The following BBS9 variants were observed in gnomAD, a reference collection of about 807,000 sequenced individuals.
BBS9 encodes the protein protein PTHB1.
In BBS9, 89 loss-of-function variants were observed where a neutral mutation model predicts 117.7. The observed-to-expected ratio is 0.76, with a 90% CI of 0.64 to 0.90. BBS9 has a LOEUF of 0.90. Among genes scored for constraint, BBS9 ranks in the 40% least tolerant of loss-of-function variants. The probability of loss-of-function intolerance (pLI) is 0.00; values close to 1 mark genes in which losing one functional copy is unlikely to be tolerated. For missense variants in BBS9, 982 were observed against 1,042.2 expected (o/e 0.94, Z 0.80); for synonymous variants, 379 against 370.9 (o/e 1.02, Z -0.25).
chr7:33,555,557 G>C (rs749224365), intron 21 of BBS9, among the ~76,000 whole-genome samples: 18 of 152,194 alleles, frequency 1.2e-4, no homozygotes, highest in Non-Finnish European at 2.4e-4. Flanking sequence ...AAATGGGTAT[G>C]AGAACTTTTT....
At chr7:33,346,602 A>C (rs779464054) in intron 12 of BBS9, among the ~76,000 whole-genome samples, 7 of 152,118 alleles carry the variant, frequency 4.6e-5, no homozygotes, top group Admixed American at 4.6e-4. Context: ...AAACACAACT[A>C]TTCTTTGTTA....
chr7:33,566,823 T>G (rs1856999950), intron 21 of BBS9, among the ~76,000 whole-genome samples: 1 of 152,152 alleles, frequency 6.6e-6, no homozygotes, highest in Non-Finnish European at 1.5e-5. Flanking sequence ...AGAATGTACA[T>G]TTGACAAATT....
intron 21 of BBS9, among the ~76,000 whole-genome samples, chr7:33,612,774 GT>G (rs1562531286): frequency 6.6e-6 from 1 of 151,948 alleles, no homozygotes; most frequent in Non-Finnish European, 1.5e-5. Flanking sequence ...TCTGGTCAGG[GT>G]TCATTCTATT....
At chr7:33,368,075 C>T (rs1822135306) in intron 17 of BBS9, among the ~76,000 whole-genome samples, 1 of 152,076 alleles carries the variant, frequency 6.6e-6, no homozygotes, top group Non-Finnish European at 1.5e-5. Context: ...ATTACCTTAC[C>T]ATGATCTAAA....
intron 5 of BBS9, among the ~76,000 whole-genome samples, chr7:33,210,593 AGT>A (rs1350478436): frequency 6.6e-6 from 1 of 152,104 alleles, no homozygotes; most frequent in Non-Finnish European, 1.5e-5. Flanking sequence ...GCTGGAGTTC[AGT>A]GGCACAGTCT....
chr7:33,169,475 G>A lies in BBS9; in HGVS notation c.329-8003G>A, dbSNP rs1226981098. ...CTCCACATCCTCTCCAGCACCTGTC[G>A]TTTCCTGACTTTTTAATGATTGCCA... On this transcript the variant is annotated intron_variant, in intron 4 of 22. Transcript: ENST00000242067. Among the ~76,000 whole-genome samples, 51 of 151,096 alleles carry A rather than the reference G, an allele frequency of 3.4e-4. 1 individual carries two copies. The highest frequency in any genetic ancestry group is 2.4e-4 in the African/African-American group (10 of 41,288).
chr7:33,309,536 A>G (rs1808744499), intron 9 of BBS9, among the ~76,000 whole-genome samples: 1 of 152,220 alleles, frequency 6.6e-6, no homozygotes, highest in African/African-American at 2.4e-5. Flanking sequence ...AATTATTGTT[A>G]TTCTTTGGAA....
At chr7:33,325,733 T>A (rs926008623) in intron 9 of BBS9, among the ~76,000 whole-genome samples, 2 of 152,228 alleles carry the variant, frequency 1.3e-5, no homozygotes, top group Non-Finnish European at 2.9e-5. Context: ...ACACTGTGGC[T>A]CTTACAGTGG....
At chr7:33,518,442 G>C (rs1168547574) in intron 20 of BBS9, among the ~76,000 whole-genome samples, 1 of 151,388 alleles carries the variant, frequency 6.6e-6, no homozygotes, top group Non-Finnish European at 1.5e-5. Context: ...ATAGAGACGG[G>C]GTTTCATCAT....
intron 9 of BBS9, among the ~76,000 whole-genome samples, chr7:33,283,759 C>T (rs1802348959): frequency 1.3e-5 from 2 of 152,106 alleles, no homozygotes; most frequent in Admixed American, 1.3e-4. Flanking sequence ...TTTACAGTTA[C>T]TCATTTTTTA....
At chr7:33,411,928 CAAATGTTACTCCTTATGGT>C (rs1264929758) in intron 19 of BBS9, among the ~76,000 whole-genome samples, 1 of 151,952 alleles carries the variant, frequency 6.6e-6, no homozygotes, top group Non-Finnish European at 1.5e-5. Context: ...TAAGCATGGA[CAAATGTTACTCCTTATGGT>C]AGTCATTTAC....
intron 19 of BBS9, among the ~76,000 whole-genome samples, chr7:33,416,958 A>G (rs565936770): frequency 3.6e-4 from 55 of 152,292 alleles, no homozygotes; most frequent in Non-Finnish European, 6.9e-4. Context: ...CACTTGCTCA[A>G]TAGATATTTA....
chr7:33,475,147 TATGC>T (rs1213420469), intron 19 of BBS9, among the ~76,000 whole-genome samples: 1 of 152,224 alleles, frequency 6.6e-6, no homozygotes, highest in Non-Finnish European at 1.5e-5. Flanking sequence ...GTAAATATTT[TATGC>T]TTTGCAGTCT....
chr7:33,247,759 TGA>T (rs1352929426), intron 5 of BBS9, among the ~76,000 whole-genome samples: 1 of 152,238 alleles, frequency 6.6e-6, no homozygotes, highest in Non-Finnish European at 1.5e-5. Context: ...TGAATGAATA[TGA>T]GTTATGGAAA....
In BBS9 at chr7:33,552,283, A is replaced by C. The variant is rs376104278; in HGVS notation, c.2521+18107A>C. On this transcript the variant is annotated intron_variant, in intron 21 of 22. Coordinates refer to ENST00000242067, the MANE Select transcript of BBS9 (RefSeq NM_198428.3). ...CTAGAATCTAATACAATTGGAACAC[A>C]GAAGATGCTCAACAGATCTTCGAGT... Among the ~76,000 whole-genome samples the C allele has an allele frequency of 5.9e-5, 9 of 152,342 alleles. No individual in the cohort carries two copies. The South Asian group carries it at 1.2e-3, about 21-fold the overall frequency.
At chr7:33,299,445 A>G (rs1284826289) in intron 9 of BBS9, among the ~76,000 whole-genome samples, 1 of 151,752 alleles carries the variant, frequency 6.6e-6, no homozygotes, top group Non-Finnish European at 1.5e-5. Context: ...CTGAAATAAG[A>G]TTGAGCTAAT....
chr7:33,613,601 A>G (rs1181886684), intron 21 of BBS9, among the ~76,000 whole-genome samples: 3 of 151,990 alleles, frequency 2.0e-5, no homozygotes, highest in African/African-American at 7.2e-5. Flanking sequence ...TACCTTCTAT[A>G]AAGTGACAAA....
chr7:33,601,068 A>G (rs920641728), intron 21 of BBS9, among the ~76,000 whole-genome samples: 1 of 152,196 alleles, frequency 6.6e-6, no homozygotes, highest in Non-Finnish European at 1.5e-5. Flanking sequence ...AGAAAAGCAC[A>G]CATTACTATC....
chr7:33,144,773 T>A (rs907967688), intron 1 of BBS9, among the ~76,000 whole-genome samples: 2 of 152,234 alleles, frequency 1.3e-5, no homozygotes, highest in African/African-American at 4.8e-5. Context: ...TTTTCAACTT[T>A]AGGATGTTGT....
Sources: gnomAD v4.1 joint callset for allele counts (sites outside exome capture counted in the v4.1 genomes callset) on GRCh38, gnomAD v4.1.1 for gene constraint, MANE v1.5 for transcripts, NCBI Gene and HGNC (gene_info 2026-07-23, HGNC 2026-07-21) for gene names.